Variants in ARIH1 observed in about 807,000 individuals in gnomAD.
ARIH1 encodes ariadne RBR E3 ubiquitin protein ligase 1.
A neutral mutation model predicts 85.0 loss-of-function variants in ARIH1; 8 were observed. The ratio of observed to expected loss-of-function variants is 0.09; its 90% CI spans 0.06 to 0.17. ARIH1 has a LOEUF of 0.17. ARIH1 is among the 10% of genes least tolerant of loss of function. The probability of loss-of-function intolerance (pLI) is 1.00; values close to 1 mark genes in which losing one functional copy is unlikely to be tolerated. For synonymous variants in ARIH1, 238 were observed against 253.6 expected (o/e 0.94, Z 0.59); for missense variants, 311 against 718.1 (o/e 0.43, Z 6.48).
At position 72,577,694 on chromosome 15, in the gene ARIH1, A is replaced by G. The variant is rs187610780; in HGVS notation, c.1216-3037A>G. On this transcript the variant is annotated intron_variant, in intron 11 of 13. Transcript: ENST00000379887. Reference sequence around the variant, plus strand: ...TCTCAAAACAAAAAACAAACAAACAAAAAAACGGATCATCATAAAGGTCTT... The same window carrying G: ...TCTCAAAACAAAAAACAAACAAACAGAAAAACGGATCATCATAAAGGTCTT... Among the ~76,000 whole-genome samples the G allele has an allele frequency of 5.9e-5, 9 of 152,202 alleles. No homozygotes were observed. In the East Asian group the frequency reaches 1.7e-3, roughly 30 times the overall value.
intron 2 of ARIH1, among the ~76,000 whole-genome samples, chr15:72,535,866 G>C (rs2064079725): frequency 6.6e-6 from 1 of 152,160 alleles, no homozygotes; most frequent in Admixed American, 6.5e-5. Flanking sequence ...TAAAAATAAT[G>C]GTTCTTGTCG....
intron 1 of ARIH1, among the ~76,000 whole-genome samples, chr15:72,478,950 G>T (rs962857567): frequency 6.6e-6 from 1 of 152,080 alleles, no homozygotes; most frequent in Non-Finnish European, 1.5e-5. Flanking sequence ...TGATTCTCCC[G>T]CCTCAGCCTC....
chr15:72,525,854 T>C (rs1322873613), intron 2 of ARIH1, among the ~76,000 whole-genome samples: 4 of 152,050 alleles, frequency 2.6e-5, no homozygotes, highest in Non-Finnish European at 5.9e-5. Flanking sequence ...TTGTCCAGGC[T>C]GGTCTCAAAC....
At chr15:72,575,741 T>C (rs776767843) in intron 11 of ARIH1, among the ~76,000 whole-genome samples, 10 of 152,070 alleles carry the variant, frequency 6.6e-5, no homozygotes, top group Non-Finnish European at 1.3e-4. Flanking sequence ...CTTGGAAATA[T>C]TAGTACTTTA....
rs56690734 is a variant in ARIH1, at chr15:72,587,312, A to ATTG, written c.*4022_*4024dup. The ATTG allele has an allele frequency of 0.97, 497,240 of 513,352 alleles. 242,460 individuals are homozygous for ATTG. The highest frequency in any genetic ancestry group is 1 in the East Asian group (18,206 of 18,208). 31.8% of individuals were successfully genotyped at this position (513,352 alleles called of 1,614,324 possible). ...ACCAGGGAAGGTAGTTCTTAACTAT[A>ATTG]TTGTACTTTTAAACCACATTAAAGA... On this transcript the variant is annotated 3_prime_UTR_variant, in exon 14 of 14. Transcript: ENST00000379887.
At chr15:72,488,908 C>A (rs1052112210) in intron 1 of ARIH1, among the ~76,000 whole-genome samples, 4 of 152,106 alleles carry the variant, frequency 2.6e-5, no homozygotes, top group African/African-American at 9.7e-5. Flanking sequence ...GCGTATAGTT[C>A]CCTGGCGCTG....
chr15:72,564,937 T>C (rs1433248957), intron 7 of ARIH1, among the ~76,000 whole-genome samples: 2 of 152,176 alleles, frequency 1.3e-5, no homozygotes, highest in Admixed American at 1.3e-4. Flanking sequence ...AGTTTTAACA[T>C]ACACATTTTA....
At chr15:72,486,715 TGAGACAGAGTC>T in intron 1 of ARIH1, among the ~76,000 whole-genome samples, 1 of 144,798 alleles carries the variant, frequency 6.9e-6, no homozygotes, top group Non-Finnish European at 1.5e-5. Flanking sequence ...TTTTTTTTTT[TGAGACAGAGTC>T]TCTGTGGCCC....
At chr15:72,556,415 T>G (rs1595869146) in intron 5 of ARIH1, among the ~76,000 whole-genome samples, 1 of 152,166 alleles carries the variant, frequency 6.6e-6, no homozygotes, top group Non-Finnish European at 1.5e-5. Flanking sequence ...CCTCAATAAG[T>G]AGAAAGAGCT....
chr15:72,518,527 C>CG (rs2063985025), intron 2 of ARIH1, among the ~76,000 whole-genome samples: 1 of 152,270 alleles, frequency 6.6e-6, no homozygotes, highest in Admixed American at 6.5e-5. Context: ...TGGTGGCTCA[C>CG]GCCTGTGATC....
intron 9 of ARIH1, among the ~76,000 whole-genome samples, chr15:72,567,989 C>T (rs891217207): frequency 3.3e-5 from 5 of 151,990 alleles, no homozygotes; most frequent in South Asian, 2.1e-4. Context: ...CAATGAAGGC[C>T]GACGCAGGTT....
intron 6 of ARIH1, among the ~76,000 whole-genome samples, chr15:72,561,933 A>C (rs2064199204): frequency 6.6e-6 from 1 of 152,238 alleles, no homozygotes; most frequent in South Asian, 2.1e-4. Flanking sequence ...AGATGGCGCC[A>C]CTGCACTCCA....
chr15:72,521,212 C>G (rs1422859356), intron 2 of ARIH1, among the ~76,000 whole-genome samples: 2 of 78,034 alleles, frequency 2.6e-5, no homozygotes, highest in Non-Finnish European at 5.1e-5. Context: ...CCCCCCCCCC[C>G]CTTTTCTGGC....
intron 10 of ARIH1, 126 bp downstream of exon 10, chr15:72,570,433 T>A: frequency 8.4e-7 from 1 of 1,191,316 alleles, no homozygotes; most frequent in African/African-American, 1.5e-5. Context: ...AGTGTGTGAT[T>A]AATGTTATAA....
chr15:72,546,938 G>A (rs527763591), intron 3 of ARIH1, among the ~76,000 whole-genome samples: 17 of 59,534 alleles, frequency 2.9e-4, no homozygotes, highest in Admixed American at 8.1e-4. Flanking sequence ...TTTTGGAGGG[G>A]GGGGGGTGGG....
intron 1 of ARIH1, among the ~76,000 whole-genome samples, chr15:72,513,838 C>T (rs1162316743): frequency 1.0e-5 from 1 of 97,170 alleles, no homozygotes; most frequent in Non-Finnish European, 2.1e-5. Flanking sequence ...CCTCTCCCTC[C>T]CTCCCTCTCT....
At chr15:72,518,697 A>T (rs2063985747) in intron 2 of ARIH1, among the ~76,000 whole-genome samples, 1 of 151,792 alleles carries the variant, frequency 6.6e-6, no homozygotes, top group Non-Finnish European at 1.5e-5. Flanking sequence ...CTGAGGCAGG[A>T]GAATCACTTT....
chr15:72,494,601 C>T (rs1292632661), intron 1 of ARIH1, among the ~76,000 whole-genome samples: 1 of 152,012 alleles, frequency 6.6e-6, no homozygotes, highest in African/African-American at 2.4e-5. Flanking sequence ...ACTTAATTCA[C>T]TAGGACTACG....
At chr15:72,561,657 A>G in intron 6 of ARIH1, 108 bp downstream of exon 6, 3 of 703,652 alleles carry the variant, frequency 4.3e-6, no homozygotes, top group Non-Finnish European at 2.3e-6. Context: ...TAACATATTT[A>G]TGAAGCATGC....
Sources: allele counts gnomAD v4.1 joint callset (sites outside exome capture counted in the v4.1 genomes callset), GRCh38; gene constraint gnomAD v4.1.1; transcripts MANE v1.5; gene names NCBI Gene and HGNC (gene_info 2026-07-23, HGNC 2026-07-21).